Variants in ACOX2 observed in about 807,000 individuals in gnomAD.
ACOX2 encodes the protein acyl-CoA oxidase 2, also known as peroxisomal acyl-coenzyme A oxidase 2.
ACOX2 carries 59 observed loss-of-function variants against 77.5 expected under a neutral mutation model. The observed-to-expected ratio is 0.76, with a 90% CI of 0.62 to 0.95. The LOEUF is 0.95. Among genes scored for constraint, ACOX2 ranks in the 40% least tolerant of loss-of-function variants. The pLI is 0.00. For missense variants in ACOX2, 837 were observed against 880.4 expected (o/e 0.95, Z 0.62); for synonymous variants, 317 against 340.1 (o/e 0.93, Z 0.75).
At position 58,528,887 on chromosome 3, in the gene ACOX2, A is replaced by T. The variant is rs747298899; in HGVS notation, c.1062T>A (p.Ser354Arg). Residue 354 changes from serine (S) to arginine (R), a missense_variant, in exon 9 of 15, where the codon AGT becomes AGA. By Grantham distance (110) the Ser-to-Arg change is moderately radical (BLOSUM62 -1). Coordinates refer to ENST00000302819, the MANE Select transcript of ACOX2 (RefSeq NM_003500.4). This position sits in a 1 kb window ranked among gnomAD's most constrained non-coding sequence, Gnocchi z 5.6. ...TGACTGCCAGGAAATGGAAGGCATA[A>T]CTGATGGCCAGCTGAGGAAAGAGTT... ...QQKLFPQLAISYAFHFLAVSL... is the reference protein window; with the variant it reads ...QQKLFPQLAIRYAFHFLAVSL... 5.0e-6 allele frequency: 8 copies of T among 1,613,650 alleles called. No individual in the cohort carries two copies. The African/African-American group carries it at 1.1e-4, about 22-fold the overall frequency.
chr3:58,530,886 A>G (rs1237674528), intron 7 of ACOX2, among the ~76,000 whole-genome samples: 2 of 152,198 alleles, frequency 1.3e-5, no homozygotes, highest in Non-Finnish European at 2.9e-5. Flanking sequence ...TGGGACCTTC[A>G]GAACTCCTGC....
At chr3:58,530,669 G>A in intron 7 of ACOX2, 31 bp from the exon 8 acceptor site, 1 of 1,600,634 alleles carries the variant, frequency 6.2e-7, no homozygotes. Context: ...CACAAGTTCT[G>A]GGCCAAGGCT....
At chr3:58,537,024 C>T (rs1475988503) in intron 1 of ACOX2, 95 bp downstream of exon 1, 1 of 152,426 alleles carries the variant, frequency 6.6e-6, no homozygotes, top group Non-Finnish European at 1.5e-5. Context: ...GAAAGCCTTG[C>T]TCAGGGTCTC....
Position 58,531,153 on chromosome 3 carries a change from C to T in ACOX2, c.819+98G>A, listed in dbSNP as rs1051615700. Reference sequence around the variant, plus strand: ...TCTCTTGGGGGAGGAGGTTATGTGGCCCAAACTAAGCTCTATGGAGGACCC... The same window carrying T: ...TCTCTTGGGGGAGGAGGTTATGTGGTCCAAACTAAGCTCTATGGAGGACCC... On this transcript the variant is annotated intron_variant, in intron 7 of 14. Coordinates refer to ENST00000302819, the MANE Select transcript of ACOX2 (RefSeq NM_003500.4). This position sits in a 1 kb window ranked among gnomAD's most constrained non-coding sequence, Gnocchi z 5.8. 1.7e-5 allele frequency: 18 copies of T among 1,084,972 alleles called. 1 individual carries two copies. In the Admixed American group the frequency reaches 4.1e-4, roughly 25 times the overall value. 67.2% of individuals were successfully genotyped at this position (1,084,972 alleles called of 1,614,324 possible).
chr3:58,518,181 A>G (rs1438161108), intron 12 of ACOX2, among the ~76,000 whole-genome samples: 1 of 152,004 alleles, frequency 6.6e-6, no homozygotes, highest in African/African-American at 2.4e-5. Context: ...TGTGTGCACC[A>G]TGGGGTGAGA....
In ACOX2 at chr3:58,533,924, A is replaced by C; in HGVS notation, c.475+70T>G. On this transcript the variant is annotated intron_variant, in intron 4 of 14. Transcript: ENST00000302819. This position sits in a 1 kb window ranked among gnomAD's most constrained non-coding sequence, Gnocchi z 5.6. ...GGAGCATATGAACCTATGACTACCTAGATGTAAATGGGCCCTCTGGAGTTT... is the reference window on the plus strand; with the variant it reads ...GGAGCATATGAACCTATGACTACCTCGATGTAAATGGGCCCTCTGGAGTTT... 6.4e-7 allele frequency: 1 copy of C among 1,566,830 alleles called. No homozygotes were observed.
chr3:58,536,279 T>G (rs989786919), intron 1 of ACOX2, among the ~76,000 whole-genome samples: 3 of 152,176 alleles, frequency 2.0e-5, no homozygotes. Context: ...CCACAAGGCC[T>G]GGGAGGCCAG....
rs1209896018 is a variant in ACOX2, at chr3:58,526,535, A to T, written c.1277T>A (p.Leu426Gln). 6.2e-7 allele frequency: 1 copy of T among 1,614,092 alleles called. No individual in the cohort carries two copies. The highest frequency in any genetic ancestry group is 8.5e-7 in the Non-Finnish European group (1 of 1,180,046). ...GYSKLSGLPS[L>Q]VTKLSASCTY... ...ACAGGAGGCCGACAATTTGGTGACC[A>T]GTGATGGCAGGCCACTCAGCTTTGA... is the stretch of plus-strand genomic sequence containing the variant. Residue 426 changes from leucine to glutamine, a missense_variant, in exon 10 of 15, where the codon CTG (leucine) becomes CAG (glutamine). Leu to Gln is a moderately radical substitution (Grantham distance 113). Transcript: ENST00000302819. The surrounding 1 kb of genome is among the most constrained non-coding windows in gnomAD (Gnocchi z 4.3).
intron 8 of ACOX2, among the ~76,000 whole-genome samples, chr3:58,530,176 C>T (rs922932264): frequency 2.6e-5 from 4 of 152,250 alleles, no homozygotes; most frequent in African/African-American, 9.6e-5. Flanking sequence ...TCAGACAGAC[C>T]TGGTGCTACA....
chr3:58,536,798 C>T lies in ACOX2; in HGVS notation c.-92+321G>A, dbSNP rs148980950. Among the ~76,000 whole-genome samples, 32 of 152,312 alleles carry T rather than the reference C, an allele frequency of 2.1e-4. No homozygotes were observed. In the East Asian group the frequency reaches 5.6e-3, roughly 27 times the overall value. ...CTTTAAAACCCCAAGCCCCCTCCCC[C>T]GGCATTCCCTGTCCTCCTCACTCTG... On this transcript the variant is annotated intron_variant, in intron 1 of 14. Coordinates refer to ENST00000302819, the MANE Select transcript of ACOX2 (RefSeq NM_003500.4).
chr3:58,524,921 T>C lies in ACOX2; in HGVS notation c.1347-316A>G, dbSNP rs1386132978. Among the ~76,000 whole-genome samples, 1 of 152,158 alleles carries C rather than the reference T, an allele frequency of 6.6e-6. No homozygotes were observed. The highest frequency in any genetic ancestry group is 1.5e-5 in the Non-Finnish European group (1 of 68,016). Reference sequence around the variant, plus strand: ...CTGTGATTTTGGGATTTATAATGACTTGTACAGTGACTGGGTGGAAATTAA... The same window carrying C: ...CTGTGATTTTGGGATTTATAATGACCTGTACAGTGACTGGGTGGAAATTAA... On this transcript the variant is annotated intron_variant, in intron 10 of 14. Coordinates refer to ENST00000302819, the MANE Select transcript of ACOX2 (RefSeq NM_003500.4). The surrounding 1 kb of genome is among the most constrained non-coding windows in gnomAD (Gnocchi z 5.5).
At chr3:58,508,040 G>T (rs1301930977) in intron 14 of ACOX2, among the ~76,000 whole-genome samples, 2 of 152,162 alleles carry the variant, frequency 1.3e-5, no homozygotes, top group Non-Finnish European at 2.9e-5. Context: ...AATCTGTTTT[G>T]TACCTATAGA....
Position 58,531,649 on chromosome 3 carries a change from C to T in ACOX2, c.703+44G>A. On this transcript the variant is annotated intron_variant, in intron 6 of 14. Transcript: ENST00000302819. The surrounding 1 kb of genome is among the most constrained non-coding windows in gnomAD (Gnocchi z 5.8). ...CCCCAGGTCAGGGAGGCCACCTGGG[C>T]TCTCCTCCTGGCAGGGTTCCTTGAG... 1.1e-5 allele frequency: 17 copies of T among 1,601,812 alleles called. No homozygotes were observed. The highest frequency in any genetic ancestry group is 2.7e-5 in the African/African-American group (2 of 74,770).
chr3:58,532,426 G>T (rs1027568340), intron 5 of ACOX2, among the ~76,000 whole-genome samples: 2 of 147,586 alleles, frequency 1.4e-5, no homozygotes, highest in African/African-American at 2.5e-5. Context: ...TCACTCTTTC[G>T]CCAGGCTGGA....
intron 14 of ACOX2, among the ~76,000 whole-genome samples, chr3:58,506,813 T>C (rs2063237775): frequency 6.6e-6 from 1 of 152,238 alleles, no homozygotes; most frequent in South Asian, 2.1e-4. Context: ...TAAATAAAAA[T>C]ACATAAAATA....
rs1267382138 is a variant in ACOX2 at position 58,535,028 on chromosome 3, A to T, written c.79T>A (p.Tyr27Asn). Residue 27 changes from tyrosine (Y) to asparagine (N), a missense_variant, in exon 2 of 15, where the codon TAT becomes AAT. Coordinates refer to ENST00000302819, the MANE Select transcript of ACOX2 (RefSeq NM_003500.4). This position sits in a 1 kb window ranked among gnomAD's most constrained non-coding sequence, Gnocchi z 4.8. Reference sequence around the variant, plus strand: ...CGTTCCACGTCAAAGGACTGCATATACCTCTCGCTCTCTATGTCGGGGTGC... The same window carrying T: ...CGTTCCACGTCAAAGGACTGCATATTCCTCTCGCTCTCTATGTCGGGGTGC... Reference protein sequence around the residue: ...QMHPDIESERYMQSFDVERLT... With the variant: ...QMHPDIESERNMQSFDVERLT... 1 of 1,613,868 alleles carries T rather than the reference A, an allele frequency of 6.2e-7. No homozygotes were observed. Among genetic ancestry groups the T allele is most frequent in the Non-Finnish European group, 8.5e-7 (1 of 1,179,972 alleles).
In ACOX2 at chr3:58,515,099, C is replaced by T. The variant is rs1018676791; in HGVS notation, c.1850+2107G>A. Among the ~76,000 whole-genome samples the T allele has an allele frequency of 9.2e-5, 14 of 152,102 alleles. No homozygotes were observed. The highest frequency in any genetic ancestry group is 4.8e-5 in the African/African-American group (2 of 41,408). The stretch of plus-strand genomic sequence containing the variant: ...AGTGCAGTGGTACGATCTTGGCTCA[C>T]GGCAGCCTCTGCCTCCCGGGTTCAA... On this transcript the variant is annotated intron_variant, in intron 13 of 14. Coordinates refer to ENST00000302819, the MANE Select transcript of ACOX2 (RefSeq NM_003500.4). The surrounding 1 kb of genome is among the most constrained non-coding windows in gnomAD (Gnocchi z 4.0).
rs768786183 is a variant in ACOX2 at position 58,526,601 on chromosome 3, C to A, written c.1211G>T (p.Gly404Val). 6.2e-7 allele frequency: 1 copy of A among 1,614,192 alleles called. No individual in the cohort carries two copies. The highest frequency in any genetic ancestry group is 8.5e-7 in the Non-Finnish European group (1 of 1,180,034). ...KAMMSEFCTQ[G>V]AEMCRRACGG... ...ACAGGCCCTGCGGCACATCTCAGCT[C>A]CCTGGGTGCAGAATTCTGACATCAT... The change falls in exon 10 of 15, where the codon GGA becomes GTA. Residue 404 changes from glycine to valine, a missense_variant. Transcript: ENST00000302819. The surrounding 1 kb of genome is among the most constrained non-coding windows in gnomAD (Gnocchi z 4.3).
intron 1 of ACOX2, 113 bp downstream of exon 1, chr3:58,537,006 C>T (rs1338000327): frequency 1.3e-5 from 2 of 152,368 alleles, no homozygotes; most frequent in African/African-American, 2.4e-5. Context: ...CAGGAGGTGC[C>T]CAGTGAAGAA....
Sources: gnomAD v4.1 joint callset for allele counts (sites outside exome capture counted in the v4.1 genomes callset) on GRCh38, gnomAD v4.1.1 for gene constraint, Gnocchi (gnomAD v3.1) non-coding constraint, MANE v1.5 for transcripts, NCBI Gene and HGNC (gene_info 2026-07-23, HGNC 2026-07-21) for gene names.